The following ZNF676 variants were observed in gnomAD, a reference collection of about 807,000 sequenced individuals.
ZNF676 encodes the protein zinc finger protein 676.
ZNF676 carries 4 observed loss-of-function variants against 6.0 expected under a neutral mutation model. That is an observed-to-expected ratio of 0.67 (90% CI 0.33 to 1.53). ZNF676 has a LOEUF of 1.53. ZNF676 is among the 40% of genes most tolerant of loss of function. The pLI, the probability that ZNF676 is intolerant of heterozygous loss-of-function variation, is 0.06. For synonymous variants in ZNF676, 198 were observed against 223.1 expected, an observed-to-expected ratio of 0.89 and a Z score of 1.00; for missense variants, 644 against 679.7, an observed-to-expected ratio of 0.95 and a Z score of 0.58.
chr19:22,208,771 C>T (rs907210168), intron 1 of ZNF676, among the ~76,000 whole-genome samples: 1 of 151,878 alleles, frequency 6.6e-6, no homozygotes, highest in African/African-American at 2.4e-5. Context: ...TGGCAAAATC[C>T]CATCTATTAA....
At chr19:22,195,454 C>T (rs2023957462) in intron 1 of ZNF676, among the ~76,000 whole-genome samples, 1 of 152,190 alleles carries the variant, frequency 6.6e-6, no homozygotes, top group South Asian at 2.1e-4. Context: ...ATCGTGTCCG[C>T]AGACCCTTAG....
chr19:22,188,930 AAAGT>A (rs2023871234), intron 2 of ZNF676, among the ~76,000 whole-genome samples: 1 of 152,216 alleles, frequency 6.6e-6, no homozygotes, highest in Non-Finnish European at 1.5e-5. Context: ...CATACTGCCC[AAAGT>A]AATTTACAGA....
chr19:22,235,017 A>G, the ZNF676 span, among the ~76,000 whole-genome samples: 1 of 104,100 alleles, frequency 9.6e-6, no homozygotes, highest in Non-Finnish European at 2.0e-5. Flanking sequence ...AGAAAGAAAG[A>G]AAGAAAGAAA....
Position 22,179,879 on chromosome 19 carries a change from C to A in ZNF676, c.*71G>T. 1.3e-6 allele frequency: 2 copies of A among 1,511,784 alleles called. No homozygotes were observed. The highest frequency in any genetic ancestry group is 1.8e-6 in the Non-Finnish European group (2 of 1,096,236). The allele number at this position is 1,511,784 out of a possible 1,614,324, so 93.6% of individuals were successfully genotyped here. A position where few individuals can be genotyped will look rare whatever the true frequency, so the allele number is the denominator to read the frequency against. On this transcript the variant is annotated 3_prime_UTR_variant, in exon 3 of 3. Transcript: ENST00000397121. ...CATTCTTCACCTTTGTAGATTTTCT[C>A]TCCAGTATGAATTTTCTTATGTTTA...
chr19:22,186,628 C>T (rs2145796359), intron 2 of ZNF676, among the ~76,000 whole-genome samples: 1 of 152,270 alleles, frequency 6.6e-6, no homozygotes, highest in African/African-American at 2.4e-5. Context: ...GTGCTGTATT[C>T]AGGAGATCCA....
upstream of ZNF676, among the ~76,000 whole-genome samples, chr19:22,197,643 A>G (rs117966329): frequency 1.3e-5 from 2 of 152,290 alleles, no homozygotes; most frequent in East Asian, 3.9e-4. Context: ...TCATTTTCCA[A>G]AAACAGACAA....
At chr19:22,232,033 C>CTG in the ZNF676 span, among the ~76,000 whole-genome samples, 59 of 151,516 alleles carry the variant, frequency 3.9e-4, no homozygotes, top group Admixed American at 1.1e-3. Context: ...ATTTGTATAT[C>CTG]TGTGTGTGTG....
At position 22,179,749 on chromosome 19, in the gene ZNF676, G is replaced by T; in HGVS notation, c.*201C>A. ...TCTCTTATGTTCCACAAGGTTTGAG[G>T]ACCGGTTGAAGCCTTTGTCACATTC... is the stretch of plus-strand genomic sequence containing the variant. On this transcript the variant is annotated 3_prime_UTR_variant, in exon 3 of 3. Transcript: ENST00000397121. 1 of 771,292 alleles carries T rather than the reference G, an allele frequency of 1.3e-6. No individual in the cohort carries two copies. Among genetic ancestry groups the T allele is most frequent in the Non-Finnish European group, 2.3e-6 (1 of 436,454 alleles). The allele number at this position is 771,292 out of a possible 1,614,324, so 47.8% of individuals were successfully genotyped here. A position where few individuals can be genotyped will look rare whatever the true frequency, so the allele number is the denominator to read the frequency against.
intron 2 of ZNF676, among the ~76,000 whole-genome samples, chr19:22,185,070 TAA>T (rs954989342): frequency 6.6e-6 from 1 of 152,106 alleles, no homozygotes; most frequent in Non-Finnish European, 1.5e-5. Flanking sequence ...GTCTCCTGAT[TAA>T]GAGACACCTC....
At chr19:22,227,975 A>G in the ZNF676 span, among the ~76,000 whole-genome samples, 5 of 152,150 alleles carry the variant, frequency 3.3e-5, no homozygotes, top group African/African-American at 1.2e-4. Flanking sequence ...TCCAAACAAT[A>G]GAGAAAGAGG....
At chr19:22,256,540 C>T in the ZNF676 span, among the ~76,000 whole-genome samples, 1 of 152,282 alleles carries the variant, frequency 6.6e-6, no homozygotes. Flanking sequence ...TCTCTATAGG[C>T]AGGGTGCAGG....
chr19:22,190,643 A>ATG (rs1431018707), intron 2 of ZNF676, among the ~76,000 whole-genome samples: 2 of 77,838 alleles, frequency 2.6e-5, no homozygotes, highest in Non-Finnish European at 5.0e-5. Flanking sequence ...ATATATATAT[A>ATG]TATATATATA....
At chr19:22,193,746 T>C (rs2023938992) in intron 1 of ZNF676, among the ~76,000 whole-genome samples, 1 of 152,122 alleles carries the variant, frequency 6.6e-6, no homozygotes, top group African/African-American at 2.4e-5. Flanking sequence ...TTTAGGACCT[T>C]GTGCTTTTCC....
At chr19:22,194,588 A>C (rs1288963974) in intron 1 of ZNF676, among the ~76,000 whole-genome samples, 9 of 152,144 alleles carry the variant, frequency 5.9e-5, no homozygotes, top group Non-Finnish European at 1.3e-4. Flanking sequence ...AGGACCTTAC[A>C]ATGCGGTGCT....
the ZNF676 span, among the ~76,000 whole-genome samples, chr19:22,227,572 G>C: frequency 2.6e-3 from 397 of 152,120 alleles, 1 homozygote; most frequent in African/African-American, 8.6e-3. Flanking sequence ...GATTCCAGGA[G>C]CTGGTTTTTT....
intron 1 of ZNF676, among the ~76,000 whole-genome samples, chr19:22,206,565 C>T (rs1424166977): frequency 6.6e-6 from 1 of 151,976 alleles, no homozygotes; most frequent in East Asian, 1.9e-4. Context: ...ATCCCAGCTA[C>T]TTGAGAGGCT....
chr19:22,227,484 G>T, the ZNF676 span, among the ~76,000 whole-genome samples: 2 of 151,978 alleles, frequency 1.3e-5, no homozygotes, highest in Non-Finnish European at 2.9e-5. Context: ...TTCAAATGCT[G>T]GCAGAAGACA....
Position 22,179,918 on chromosome 19 carries a change from C to G in ZNF676, c.*32G>C, listed in dbSNP as rs749805618. On this transcript the variant is annotated 3_prime_UTR_variant, in exon 3 of 3. Coordinates refer to ENST00000397121, the MANE Select transcript of ZNF676 (RefSeq NM_001001411.3). Reference sequence around the variant, plus strand: ...TTCTTATGTTTACTAGACTGAGAATCAGCTGAAGGATTTACCACATTCTTC... The same window carrying G: ...TTCTTATGTTTACTAGACTGAGAATGAGCTGAAGGATTTACCACATTCTTC... 2 of 1,593,854 alleles carry G rather than the reference C, an allele frequency of 1.3e-6. No individual in the cohort carries two copies. The highest frequency in any genetic ancestry group is 1.7e-6 in the Non-Finnish European group (2 of 1,165,748).
At chr19:22,255,045 G>A in the ZNF676 span, among the ~76,000 whole-genome samples, 2 of 152,210 alleles carry the variant, frequency 1.3e-5, no homozygotes, top group African/African-American at 4.8e-5. Flanking sequence ...CCTACTGTAT[G>A]TTGTGTCTAA....
Sources: gnomAD v4.1 joint callset for allele counts (sites outside exome capture counted in the v4.1 genomes callset) on GRCh38, gnomAD v4.1.1 for gene constraint, MANE v1.5 for transcripts, NCBI Gene and HGNC (gene_info 2026-07-23, HGNC 2026-07-21) for gene names.